Variants in SNX25 observed in about 807,000 individuals in gnomAD.
SNX25 encodes sorting nexin 25.
A neutral mutation model predicts 113.7 loss-of-function variants in SNX25; 62 were observed. The ratio of observed to expected loss-of-function variants is 0.55; its 90% CI spans 0.44 to 0.67. The LOEUF (loss-of-function observed/expected upper bound fraction) is 0.67. Among genes scored for constraint, SNX25 ranks in the 30% least tolerant of loss-of-function variants. The probability of loss-of-function intolerance (pLI) is 0.00; values close to 1 mark genes in which losing one functional copy is unlikely to be tolerated. For synonymous variants in SNX25, 421 were observed against 436.2 expected (o/e 0.97, Z 0.43); for missense variants, 1,014 against 1,161.0 (o/e 0.87, Z 1.84).
downstream of SNX25, among the ~76,000 whole-genome samples, chr4:185,373,676 C>T (rs2095423769): frequency 6.6e-6 from 1 of 152,220 alleles, no homozygotes; most frequent in African/African-American, 2.4e-5. Flanking sequence ...ACAAGTAGGA[C>T]TCAGCCCCCA....
rs961046280 is a variant in SNX25 at position 185,288,020 on chromosome 4, T to C, written c.1100T>C (p.Ile367Thr). 2.5e-6 allele frequency: 4 copies of C among 1,611,556 alleles called. No homozygotes were observed. The highest frequency in any genetic ancestry group is 3.4e-6 in the Non-Finnish European group (4 of 1,178,888). The change falls in exon 6 of 19, where the codon ATT becomes ACT. Residue 367 changes from isoleucine (I) to threonine (T), a missense_variant. By Grantham distance (89) the Ile-to-Thr change is moderately conservative. Coordinates refer to ENST00000652585, the MANE Select transcript of SNX25 (RefSeq NM_001378034.2). ...VEFLKQLRYQ[I>T]VVEIIQATTI... ...CTCTTTTTAAAAATCAGGTATCAAA[T>C]TGTAGTGGAAATAATCCAGGCGACT... is the stretch of plus-strand genomic sequence containing the variant.
chr4:185,265,830 T>A (rs536949700), intron 4 of SNX25, among the ~76,000 whole-genome samples: 1 of 152,138 alleles, frequency 6.6e-6, no homozygotes, highest in Non-Finnish European at 1.5e-5. Context: ...CCTCATTAAA[T>A]GGTAGAAAAT....
chr4:185,343,400 A>G (rs1383935851), intron 12 of SNX25, among the ~76,000 whole-genome samples: 1 of 152,164 alleles, frequency 6.6e-6, no homozygotes, highest in Non-Finnish European at 1.5e-5. Flanking sequence ...CTTTGGTTTC[A>G]GTTTTATTTA....
rs1443188841 is a variant in SNX25 at position 185,346,616 on chromosome 4, A to G, written c.2267A>G (p.Glu756Gly). Residue 756 changes from glutamate to glycine, a missense_variant, in exon 13 of 19, where the codon GAA becomes GGA. Physicochemically the swap from Glu to Gly is moderately conservative, Grantham distance 98. Coordinates refer to ENST00000652585, the MANE Select transcript of SNX25 (RefSeq NM_001378034.2). ...AAATCTATAGATCAAAAGTTTATGG[A>G]AAAGTCGAAGAATCAATTAAATAAG... Reference protein sequence around the residue: ...PFKSIDQKFMEKSKNQLNKFL... With the variant: ...PFKSIDQKFMGKSKNQLNKFL... 1.9e-6 allele frequency: 3 copies of G among 1,587,776 alleles called. No homozygotes were observed. Among genetic ancestry groups the G allele is most frequent in the African/African-American group, 2.7e-5 (2 of 73,074 alleles).
intron 16 of SNX25, among the ~76,000 whole-genome samples, chr4:185,359,278 A>G (rs1220181026): frequency 6.6e-6 from 1 of 152,008 alleles, no homozygotes; most frequent in Non-Finnish European, 1.5e-5. Flanking sequence ...GCTTGAGTCC[A>G]GGAGGTCAAG....
intron 3 of SNX25, among the ~76,000 whole-genome samples, chr4:185,259,682 C>T (rs574546803): frequency 1.1e-4 from 16 of 152,198 alleles, no homozygotes; most frequent in Non-Finnish European, 2.2e-4. Context: ...GTTAGCCCTT[C>T]GTATTGTTAT....
intron 5 of SNX25, among the ~76,000 whole-genome samples, chr4:185,270,031 A>G (rs1464591945): frequency 6.6e-6 from 1 of 151,400 alleles, no homozygotes; most frequent in Non-Finnish European, 1.5e-5. Flanking sequence ...ATTCAGAACT[A>G]TTTAAATACT....
At chr4:185,360,462 G>T (rs115196997) in intron 16 of SNX25, among the ~76,000 whole-genome samples, 2,228 of 152,216 alleles carry the variant, frequency 0.015, 33 homozygotes, top group Non-Finnish European at 0.021. Flanking sequence ...TTCTTAAAAG[G>T]CTTTTTAATA....
upstream of SNX25, among the ~76,000 whole-genome samples, chr4:185,207,334 A>G (rs914992984): frequency 6.8e-6 from 1 of 146,174 alleles, no homozygotes; most frequent in African/African-American, 2.5e-5. Context: ...CTCCTGCCTC[A>G]GCCTCCCGAG....
At chr4:185,287,666 T>C (rs1050611484) in intron 5 of SNX25, among the ~76,000 whole-genome samples, 1 of 152,192 alleles carries the variant, frequency 6.6e-6, no homozygotes, top group African/African-American at 2.4e-5. Context: ...ACAGTGCCAA[T>C]GTAAGAAGTA....
chr4:185,224,964 A>G (rs1430014967), intron 1 of SNX25, among the ~76,000 whole-genome samples: 1 of 152,090 alleles, frequency 6.6e-6, no homozygotes, highest in Non-Finnish European at 1.5e-5. Flanking sequence ...TGGCATTTCA[A>G]GAAGTCATTC....
chr4:185,288,045 T>C lies in SNX25; in HGVS notation c.1125T>C (p.Thr375=), dbSNP rs572760430. The C allele has an allele frequency of 5.6e-6, 9 of 1,613,632 alleles. No individual in the cohort carries two copies. In the African/African-American group the frequency reaches 6.7e-5, roughly 12 times the overall value. The change falls in exon 6 of 19, where the codon ACT becomes ACC. Residue 375 remains threonine (T), a synonymous_variant. Transcript: ENST00000652585. Reference sequence around the variant, plus strand: ...TTGTAGTGGAAATAATCCAGGCGACTACAATTAGCAGCTTTCCCCAACTGA... The same window carrying C: ...TTGTAGTGGAAATAATCCAGGCGACCACAATTAGCAGCTTTCCCCAACTGA... The part of the protein sequence containing the change: ...YQIVVEIIQA[T]TISSFPQLKR...
chr4:185,257,037 G>A (rs1354217370), intron 2 of SNX25, among the ~76,000 whole-genome samples: 2 of 152,080 alleles, frequency 1.3e-5, no homozygotes, highest in African/African-American at 4.8e-5. Flanking sequence ...TGTTCGTAGG[G>A]AATTGTGAAG....
At position 185,345,083 on chromosome 4, in the gene SNX25, G is replaced by A. The variant is rs138499546; in HGVS notation, c.2188-1454G>A. On this transcript the variant is annotated intron_variant, in intron 12 of 18. Coordinates refer to ENST00000652585, the MANE Select transcript of SNX25 (RefSeq NM_001378034.2). ...TTTTGAAATGAAATGTCTTTGGAAGGTAGAATTTACTTAGACAATCAAAAC... is the reference window on the plus strand; with the variant it reads ...TTTTGAAATGAAATGTCTTTGGAAGATAGAATTTACTTAGACAATCAAAAC... 2.6e-3 allele frequency among the ~76,000 whole-genome samples: 392 copies of A among 152,278 alleles called. 3 individuals are homozygous for A. Among genetic ancestry groups the A allele is most frequent in the African/African-American group, 8.3e-3 (343 of 41,550 alleles).
At chr4:185,366,553 G>A (rs1009725205), downstream of SNX25, 2 of 152,108 alleles carry the variant, frequency 1.3e-5, no homozygotes, top group Non-Finnish European at 2.9e-5. Context: ...AGCTTTTTAA[G>A]AATAAAGGAT....
chr4:185,258,985 G>A lies in SNX25; in HGVS notation c.652G>A (p.Asp218Asn). 6.2e-7 allele frequency: 1 copy of A among 1,614,184 alleles called. No homozygotes were observed. The highest frequency in any genetic ancestry group is 8.5e-7 in the Non-Finnish European group (1 of 1,180,034). The change falls in exon 3 of 19, where the codon GAT becomes AAT. Residue 218 changes from aspartate (D) to asparagine (N), a missense_variant. Transcript: ENST00000652585. Reference sequence around the variant, plus strand: ...GCTGCACCACAGACTGAGTCACGTGGATGTGGTTAAAGTTGTCTGCAATGA... The same window carrying A: ...GCTGCACCACAGACTGAGTCACGTGAATGTGGTTAAAGTTGTCTGCAATGA... ...RQLHHRLSHV[D>N]VVKVVCNDVV...
intron 1 of SNX25, among the ~76,000 whole-genome samples, chr4:185,233,302 A>C (rs1326974396): frequency 6.6e-6 from 1 of 151,960 alleles, no homozygotes; most frequent in Non-Finnish European, 1.5e-5. Context: ...AAAAAGAATA[A>C]ATGAAGCCCT....
intron 7 of SNX25, 137 bp from the exon 8 acceptor site, chr4:185,320,596 A>T (rs1386446617): frequency 1.8e-6 from 1 of 547,262 alleles, no homozygotes; most frequent in Non-Finnish European, 3.0e-6. Context: ...ATAGTAAATT[A>T]CTACAATAAA....
intron 1 of SNX25, among the ~76,000 whole-genome samples, chr4:185,225,143 G>A (rs1740785856): frequency 6.8e-6 from 1 of 146,806 alleles, no homozygotes; most frequent in African/African-American, 2.5e-5. Context: ...TTTTGAGATG[G>A]AGTCTCGCTT....
Sources: allele counts gnomAD v4.1 joint callset (sites outside exome capture counted in the v4.1 genomes callset), GRCh38; gene constraint gnomAD v4.1.1; transcripts MANE v1.5; gene names NCBI Gene and HGNC (gene_info 2026-07-23, HGNC 2026-07-21).